Variants in KCNJ15 observed in about 807,000 individuals in gnomAD.
KCNJ15 encodes potassium inwardly rectifying channel subfamily J member 15, also known as ATP-sensitive inward rectifier potassium channel 15.
Under a neutral mutation model 23.0 loss-of-function variants are expected in KCNJ15, and 14 were observed. The observed-to-expected ratio is 0.61, with a 90% CI of 0.40 to 0.95. The LOEUF (loss-of-function observed/expected upper bound fraction) is 0.95. KCNJ15 is among the 40% of genes least tolerant of loss of function. The probability of loss-of-function intolerance (pLI) is 0.00; values close to 1 mark genes in which losing one functional copy is unlikely to be tolerated. For missense variants in KCNJ15, 388 were observed against 461.8 expected (o/e 0.84, Z 1.46); for synonymous variants, 185 against 183.2 (o/e 1.01, Z -0.08).
At chr21:38,256,380 A>AT (rs1555882102), upstream of KCNJ15, among the ~76,000 whole-genome samples, 7 of 136,074 alleles carry the variant, frequency 5.1e-5, no homozygotes, top group South Asian at 4.5e-4. Flanking sequence ...ATATATATAT[A>AT]ATATTTATCA....
At chr21:38,237,632 A>T (rs1978700936) in intron 1 of KCNJ15, among the ~76,000 whole-genome samples, 1 of 152,226 alleles carries the variant, frequency 6.6e-6, no homozygotes, top group Non-Finnish European at 1.5e-5. Flanking sequence ...AGACTCTGCC[A>T]GCCCAGCCAT....
At chr21:38,274,896 T>C (rs1012110015) in intron 1 of KCNJ15, among the ~76,000 whole-genome samples, 1 of 152,170 alleles carries the variant, frequency 6.6e-6, no homozygotes, top group Non-Finnish European at 1.5e-5. Context: ...TTTTTCTTTT[T>C]TTTGCAGTTC....
At chr21:38,251,803 G>A (rs1979857236), upstream of KCNJ15, among the ~76,000 whole-genome samples, 1 of 152,200 alleles carries the variant, frequency 6.6e-6, no homozygotes, top group Admixed American at 6.5e-5. Context: ...GCAGTCAGTG[G>A]AAAATCAGGA....
At chr21:38,245,113 A>G (rs1282434039) in intron 1 of KCNJ15, among the ~76,000 whole-genome samples, 1 of 151,960 alleles carries the variant, frequency 6.6e-6, no homozygotes, top group Non-Finnish European at 1.5e-5. Flanking sequence ...CAGGGTCTAC[A>G]AACAGAAGGA....
At chr21:38,239,283 G>A (rs80217417) in intron 1 of KCNJ15, among the ~76,000 whole-genome samples, 4,478 of 152,234 alleles carry the variant, frequency 0.029, 83 homozygotes, top group Non-Finnish European at 0.037. Context: ...AGTTCCCACA[G>A]GTTGCTGTTT....
At chr21:38,249,487 A>G (rs997805188) in intron 1 of KCNJ15, among the ~76,000 whole-genome samples, 7 of 152,236 alleles carry the variant, frequency 4.6e-5, no homozygotes, top group Non-Finnish European at 1.0e-4. Context: ...CCAGTGGAAC[A>G]GAATGGATGA....
upstream of KCNJ15, among the ~76,000 whole-genome samples, chr21:38,254,053 G>A (rs1426208663): frequency 1.3e-5 from 2 of 152,164 alleles, no homozygotes; most frequent in East Asian, 1.9e-4. Flanking sequence ...CCAGAATTGT[G>A]AAACAAATTT....
At chr21:38,230,430 C>T (rs1696491269) in intron 1 of KCNJ15, among the ~76,000 whole-genome samples, 1 of 152,018 alleles carries the variant, frequency 6.6e-6, no homozygotes, top group African/African-American at 2.4e-5. Flanking sequence ...TGGATATGAG[C>T]CCATTATCAG....
chr21:38,250,846 C>T (rs141355600), intron 1 of KCNJ15, among the ~76,000 whole-genome samples: 2 of 152,282 alleles, frequency 1.3e-5, no homozygotes, highest in African/African-American at 2.4e-5. Flanking sequence ...GGGTGATAAT[C>T]GCATTTTCTG....
Position 38,305,641 on chromosome 21 carries a change from C to T in KCNJ15, c.*5252C>T, listed in dbSNP as rs1295606552. 7 of 152,132 alleles carry T rather than the reference C, an allele frequency of 4.6e-5. No individual in the cohort carries two copies. Among genetic ancestry groups the T allele is most frequent in the Non-Finnish European group, 1.0e-4 (7 of 68,032 alleles). The allele number at this position is 152,132 out of a possible 1,614,324, so 9.4% of individuals were successfully genotyped here. ...TATTTGTGTAGACTTTTTTAGGATA[C>T]CTTAAATGTCTTACATGCAACCTTT... On this transcript the variant is annotated 3_prime_UTR_variant, in exon 3 of 3. Transcript: ENST00000398938.
intron 1 of KCNJ15, among the ~76,000 whole-genome samples, chr21:38,293,372 C>T (rs191059098): frequency 1.3e-5 from 2 of 152,262 alleles, no homozygotes; most frequent in Admixed American, 1.3e-4. Context: ...CAGGGCCACA[C>T]CTGACACAAG....
intron 1 of KCNJ15, among the ~76,000 whole-genome samples, chr21:38,289,982 C>A (rs950026602): frequency 6.6e-6 from 1 of 152,170 alleles, no homozygotes; most frequent in Non-Finnish European, 1.5e-5. Context: ...CCCTCCGCTG[C>A]GGCACTCTCA....
rs1016797704 is a variant in KCNJ15, at chr21:38,288,373, A to G, written c.-116-8553A>G. Among the ~76,000 whole-genome samples, 10 of 152,006 alleles carry G rather than the reference A, an allele frequency of 6.6e-5. 1 individual carries two copies. Among genetic ancestry groups the G allele is most frequent in the Admixed American group, 6.6e-4 (10 of 15,246 alleles). ...GGTTTTAAATCAAGCACAAGTCGTA[A>G]TTTCCATTGCCTGGGATGAGATTCA... On this transcript the variant is annotated intron_variant, in intron 1 of 2. Coordinates refer to ENST00000398938, the MANE Select transcript of KCNJ15 (RefSeq NM_170736.3).
At chr21:38,244,993 G>A (rs1979261829) in intron 1 of KCNJ15, among the ~76,000 whole-genome samples, 1 of 152,080 alleles carries the variant, frequency 6.6e-6, no homozygotes, top group Admixed American at 6.5e-5. Flanking sequence ...TAACACATGG[G>A]TATTGTCGGT....
At position 38,298,652 on chromosome 21, in the gene KCNJ15, C is replaced by CATTACTACTGAGTTTTAAAAATGT. The variant is rs1985419558; in HGVS notation, c.-18-589_-18-566dup. Among the ~76,000 whole-genome samples, 11 of 152,216 alleles carry CATTACTACTGAGTTTTAAAAATGT rather than the reference C, an allele frequency of 7.2e-5. No individual in the cohort carries two copies. In the South Asian group the frequency reaches 2.3e-3, roughly 32 times the overall value. On this transcript the variant is annotated intron_variant, in intron 2 of 2. Coordinates refer to ENST00000398938, the MANE Select transcript of KCNJ15 (RefSeq NM_170736.3). Reference sequence around the variant, plus strand: ...TGCAAAAAATAGGTTTTAAAAAATGCATTACTACTGAGTTTTAAAAATGTA... The same window carrying CATTACTACTGAGTTTTAAAAATGT: ...TGCAAAAAATAGGTTTTAAAAAATGCATTACTACTGAGTTTTAAAAATGTATTACTACTGAGTTTTAAAAATGTA...
intron 1 of KCNJ15, among the ~76,000 whole-genome samples, chr21:38,270,499 A>T (rs754450564): frequency 6.6e-6 from 1 of 152,180 alleles, no homozygotes; most frequent in Non-Finnish European, 1.5e-5. Context: ...TGCCTTTCAG[A>T]AGGCATCTCA....
chr21:38,247,825 A>G (rs1026128969), intron 1 of KCNJ15, among the ~76,000 whole-genome samples: 2 of 152,184 alleles, frequency 1.3e-5, no homozygotes, highest in Non-Finnish European at 2.9e-5. Flanking sequence ...GTGTGCAACT[A>G]TGAAAGAAGC....
Position 38,300,602 on chromosome 21 carries a change from C to T in KCNJ15, c.*213C>T. The T allele has an allele frequency of 1.9e-6, 1 of 536,840 alleles. No homozygotes were observed. Among genetic ancestry groups the T allele is most frequent in the Non-Finnish European group, 3.4e-6 (1 of 297,092 alleles). 33.3% of individuals were successfully genotyped at this position (536,840 alleles called of 1,614,324 possible). A position where few individuals can be genotyped will look rare whatever the true frequency, so the allele number is the denominator to read the frequency against. On this transcript the variant is annotated 3_prime_UTR_variant, in exon 3 of 3. Transcript: ENST00000398938. The stretch of plus-strand genomic sequence containing the variant: ...GTTAGGTGCTTCGTCTGAAAGTGAA[C>T]TCTCATAATTCAAATTGTATAAAAT...
At chr21:38,243,316 T>C (rs1414411632) in intron 1 of KCNJ15, among the ~76,000 whole-genome samples, 1 of 152,222 alleles carries the variant, frequency 6.6e-6, no homozygotes, top group African/African-American at 2.4e-5. Context: ...TAACCTGTTT[T>C]GTTTTTTCCC....
Sources: gnomAD v4.1 joint callset for allele counts (sites outside exome capture counted in the v4.1 genomes callset) on GRCh38, gnomAD v4.1.1 for gene constraint, MANE v1.5 for transcripts, NCBI Gene and HGNC (gene_info 2026-07-23, HGNC 2026-07-21) for gene names.